ZFAT: variants seen among roughly 807,000 people sequenced by gnomAD.
The protein encoded by ZFAT is zinc finger protein ZFAT.
Under a neutral mutation model 117.7 loss-of-function variants are expected in ZFAT, and 64 were observed. That is an observed-to-expected ratio of 0.54 (90% CI 0.44 to 0.67). The LOEUF is 0.67. ZFAT is among the 30% of genes least tolerant of loss of function. The pLI is 0.00. For missense variants in ZFAT, 1,433 were observed against 1,584.5 expected, an observed-to-expected ratio of 0.90 and a Z score of 1.62; for synonymous variants, 679 against 615.0, an observed-to-expected ratio of 1.10 and a Z score of -1.54.
At chr8:134,651,567 A>G (rs772288719) in intron 2 of ZFAT, among the ~76,000 whole-genome samples, 1 of 152,226 alleles carries the variant, frequency 6.6e-6, no homozygotes, top group East Asian at 1.9e-4. Flanking sequence ...TCTAAAAATA[A>G]CAGGTAAAAA....
chr8:134,767,713 G>GT, the ZFAT span, among the ~76,000 whole-genome samples: 1 of 152,120 alleles, frequency 6.6e-6, no homozygotes. Flanking sequence ...GTTAAGAAGT[G>GT]TATTTCTCAC....
intron 1 of ZFAT, chr8:134,696,459 G>A (rs1833847607): frequency 1.0e-6 from 1 of 985,716 alleles, no homozygotes; most frequent in Non-Finnish European, 1.2e-6. Flanking sequence ...GGGCAGAGTA[G>A]GAGGGATGCT....
chr8:134,807,385 T>C, the ZFAT span, among the ~76,000 whole-genome samples: 2 of 152,028 alleles, frequency 1.3e-5, no homozygotes, highest in Non-Finnish European at 2.9e-5. Context: ...CCAGAATACA[T>C]AAGAAAACAA....
chr8:134,489,192 T>C (rs1171928764), intron 15 of ZFAT, among the ~76,000 whole-genome samples: 1 of 151,990 alleles, frequency 6.6e-6, no homozygotes, highest in Non-Finnish European at 1.5e-5. Flanking sequence ...GAGGGGACTA[T>C]GGGGAAGAGG....
chr8:134,803,339 C>T, the ZFAT span, among the ~76,000 whole-genome samples: 20 of 152,316 alleles, frequency 1.3e-4, 1 homozygote, highest in East Asian at 3.5e-3. Flanking sequence ...GAACACATTA[C>T]ATTCTACCTT....
chr8:134,715,792 T>C (rs1199219907), upstream of ZFAT, among the ~76,000 whole-genome samples: 7 of 152,230 alleles, frequency 4.6e-5, no homozygotes, highest in Non-Finnish European at 7.3e-5. Context: ...TATTTAGTTA[T>C]ATAAGAAATA....
chr8:134,504,313 C>A (rs1032193157), intron 15 of ZFAT, among the ~76,000 whole-genome samples: 1 of 152,132 alleles, frequency 6.6e-6, no homozygotes, highest in African/African-American at 2.4e-5. Context: ...AAAAACAATA[C>A]AAAATTAACA....
chr8:134,679,174 T>C (rs1832946416), intron 1 of ZFAT, among the ~76,000 whole-genome samples: 1 of 152,128 alleles, frequency 6.6e-6, no homozygotes, highest in African/African-American at 2.4e-5. Context: ...GGAGAAAATT[T>C]TTTCAATCTA....
At chr8:134,748,097 T>A in the ZFAT span, among the ~76,000 whole-genome samples, 20 of 152,338 alleles carry the variant, frequency 1.3e-4, 2 homozygotes, top group Non-Finnish European at 7.3e-5. Flanking sequence ...GACAAGTGCA[T>A]AAAATTTATA....
chr8:134,583,884 T>C lies in ZFAT; in HGVS notation c.2835A>G (p.Lys945=), dbSNP rs1825882416. The C allele has an allele frequency of 3.7e-6, 6 of 1,612,924 alleles. No homozygotes were observed. Among genetic ancestry groups the C allele is most frequent in the Non-Finnish European group, 5.1e-6 (6 of 1,179,540 alleles). ...KTHLCDMCGK[K]FKSKGTLKSH... is the part of the protein sequence containing the mutation. ...TTTTCAGTGTCCCTTTTGATTTGAATTTCTTGCCACACATGTCACATAGGT... is the reference window on the plus strand; with the variant it reads ...TTTTCAGTGTCCCTTTTGATTTGAACTTCTTGCCACACATGTCACATAGGT... The change falls in exon 10 of 16, where the codon AAA becomes AAG. Residue 945 remains lysine, a synonymous_variant. Coordinates refer to ENST00000377838, the MANE Select transcript of ZFAT (RefSeq NM_020863.4).
At chr8:134,557,927 T>C (rs1010730090) in intron 11 of ZFAT, among the ~76,000 whole-genome samples, 1 of 152,064 alleles carries the variant, frequency 6.6e-6, no homozygotes, top group South Asian at 2.1e-4. Context: ...TAAGTAAAAA[T>C]ATTTGAATAG....
chr8:134,534,775 A>AAGAG (rs36097833), intron 11 of ZFAT, among the ~76,000 whole-genome samples: 3,017 of 136,030 alleles, frequency 0.022, 116 homozygotes, highest in African/African-American at 0.074. Flanking sequence ...GAGAGGGAGA[A>AAGAG]AGAGAGAGAG....
At chr8:134,623,591 C>CGCAGGTCCTGTGAACTGCACTTGTGAAG (rs1228957558) in intron 3 of ZFAT, among the ~76,000 whole-genome samples, 1 of 152,218 alleles carries the variant, frequency 6.6e-6, no homozygotes, top group Non-Finnish European at 1.5e-5. Context: ...TCTGCGAACT[C>CGCAGGTCCTGTGAACTGCACTTGTGAAG]TGCCAGGTCC....
intron 1 of ZFAT, among the ~76,000 whole-genome samples, chr8:134,666,525 A>T (rs1832225783): frequency 6.6e-6 from 1 of 152,242 alleles, no homozygotes; most frequent in Non-Finnish European, 1.5e-5. Context: ...GGCTTAAAGT[A>T]ACCATCACAA....
chr8:134,619,208 G>A (rs1041354155), intron 3 of ZFAT, among the ~76,000 whole-genome samples: 1 of 151,956 alleles, frequency 6.6e-6, no homozygotes, highest in Non-Finnish European at 1.5e-5. Context: ...CATTAGCCTA[G>A]AGTTGGGCAA....
At chr8:134,819,496 A>ACCAC in the ZFAT span, among the ~76,000 whole-genome samples, 1 of 39,334 alleles carries the variant, frequency 2.5e-5, no homozygotes, top group African/African-American at 9.2e-5. Flanking sequence ...CGGATTTACC[A>ACCAC]CCCCCCCCCC....
At chr8:134,672,005 T>C (rs1422268769) in intron 1 of ZFAT, among the ~76,000 whole-genome samples, 2 of 152,236 alleles carry the variant, frequency 1.3e-5, no homozygotes, top group South Asian at 2.1e-4. Flanking sequence ...CCATTCACAA[T>C]TGCTTCAAAG....
chr8:134,730,303 A>G, the ZFAT span, among the ~76,000 whole-genome samples: 1 of 152,216 alleles, frequency 6.6e-6, no homozygotes, highest in African/African-American at 2.4e-5. Context: ...GCTTGCAGTT[A>G]TCTGCATCAA....
At chr8:134,622,097 T>G (rs1203227350) in intron 3 of ZFAT, among the ~76,000 whole-genome samples, 7 of 152,364 alleles carry the variant, frequency 4.6e-5, no homozygotes, top group Non-Finnish European at 1.5e-5. Context: ...CATGCCAGTC[T>G]GTCGACTTCA....
Sources: gnomAD v4.1 joint callset for allele counts (sites outside exome capture counted in the v4.1 genomes callset) on GRCh38, gnomAD v4.1.1 for gene constraint, MANE v1.5 for transcripts, NCBI Gene and HGNC (gene_info 2026-07-23, HGNC 2026-07-21) for gene names.